Variants in LMNB1 observed in about 807,000 individuals in gnomAD.
The protein encoded by LMNB1 is lamin-B1.
Under a neutral mutation model 67.1 loss-of-function variants are expected in LMNB1, and 23 were observed. That is an observed-to-expected ratio of 0.34 (90% CI 0.25 to 0.49). The LOEUF (loss-of-function observed/expected upper bound fraction) is 0.49, where lower values mean the gene tolerates loss of function less well. Among genes scored for constraint, LMNB1 ranks in the 20% least tolerant of loss-of-function variants. The pLI, the probability that LMNB1 is intolerant of heterozygous loss-of-function variation, is 0.99. For synonymous variants in LMNB1, 281 were observed against 282.9 expected, an observed-to-expected ratio of 0.99 and a Z score of 0.07; for missense variants, 634 against 746.5, an observed-to-expected ratio of 0.85 and a Z score of 1.76.
intron 2 of LMNB1, 101 bp downstream of exon 2, chr5:126,805,033 T>G: frequency 9.3e-7 from 1 of 1,079,066 alleles, no homozygotes; most frequent in African/African-American, 1.6e-5. Context: ...ATGTATTTTA[T>G]TTTTGAAATT....
chr5:126,786,952 A>C (rs1405214696), intron 1 of LMNB1, among the ~76,000 whole-genome samples: 1 of 152,220 alleles, frequency 6.6e-6, no homozygotes. Context: ...ATGCCTTAAT[A>C]ATTTAAAAGA....
intron 1 of LMNB1, among the ~76,000 whole-genome samples, chr5:126,780,551 C>A (rs1750605783): frequency 6.6e-6 from 1 of 152,102 alleles, no homozygotes; most frequent in African/African-American, 2.4e-5. Context: ...GCATGTGATA[C>A]AATTTAGGTA....
At chr5:126,814,141 C>T (rs925849683) in intron 5 of LMNB1, among the ~76,000 whole-genome samples, 15 of 152,164 alleles carry the variant, frequency 9.9e-5, no homozygotes, top group South Asian at 4.1e-4. Context: ...GTGATCCGCC[C>T]GCCTCAGCCT....
chr5:126,824,940 G>A (rs376999506), intron 8 of LMNB1, among the ~76,000 whole-genome samples: 116 of 144,628 alleles, frequency 8.0e-4, no homozygotes, highest in African/African-American at 2.9e-3. Context: ...TGCCCGCCTC[G>A]GCCTCCCAAA....
intron 1 of LMNB1, among the ~76,000 whole-genome samples, chr5:126,784,456 A>AGCGG (rs1750711795): frequency 7.1e-6 from 1 of 141,244 alleles, no homozygotes; most frequent in Non-Finnish European, 1.5e-5. Flanking sequence ...CTCCAGGTTT[A>AGCGG]AGCAATTCTC....
intron 1 of LMNB1, among the ~76,000 whole-genome samples, chr5:126,781,047 G>C (rs1329417537): frequency 2.6e-5 from 4 of 152,166 alleles, no homozygotes; most frequent in African/African-American, 7.2e-5. Context: ...AAAGCACTTT[G>C]AGAGGCCTAG....
chr5:126,820,862 A>T, intron 6 of LMNB1, 48 bp from the exon 7 acceptor site: 1 of 1,363,496 alleles, frequency 7.3e-7, no homozygotes, highest in Non-Finnish European at 1.0e-6. Context: ...TTAAGGCGAG[A>T]AGGGCATATG....
intron 1 of LMNB1, among the ~76,000 whole-genome samples, chr5:126,789,957 G>A (rs1479808626): frequency 1.3e-5 from 2 of 151,964 alleles, no homozygotes; most frequent in Non-Finnish European, 2.9e-5. Flanking sequence ...ACAGGCGTGA[G>A]CCACTGTGCC....
At chr5:126,787,330 A>G (rs1256586459) in intron 1 of LMNB1, among the ~76,000 whole-genome samples, 1 of 151,826 alleles carries the variant, frequency 6.6e-6, no homozygotes, top group East Asian at 1.9e-4. Context: ...GGAGGTAAGT[A>G]GGGATTTGCT....
At chr5:126,810,159 T>C (rs1751547812) in intron 3 of LMNB1, 21 bp from the exon 4 acceptor site, 2 of 1,599,960 alleles carry the variant, frequency 1.3e-6, no homozygotes, top group Non-Finnish European at 1.7e-6. Flanking sequence ...CTTGGCTTTA[T>C]GCTTTTTGTT....
At chr5:126,801,416 AAAT>A (rs1462680300) in intron 1 of LMNB1, among the ~76,000 whole-genome samples, 2 of 152,168 alleles carry the variant, frequency 1.3e-5, no homozygotes, top group Non-Finnish European at 2.9e-5. Context: ...TACCACAAGT[AAAT>A]ACTCTCTTCA....
At chr5:126,828,005 A>G (rs1030172779) in intron 9 of LMNB1, among the ~76,000 whole-genome samples, 1 of 152,234 alleles carries the variant, frequency 6.6e-6, no homozygotes, top group Admixed American at 6.5e-5. Context: ...TGCTTGGCAC[A>G]TAACAGGAAT....
chr5:126,817,332 G>A (rs1191613459), intron 5 of LMNB1, among the ~76,000 whole-genome samples: 2 of 152,102 alleles, frequency 1.3e-5, no homozygotes, highest in Non-Finnish European at 2.9e-5. Context: ...TCTCCAAGGA[G>A]CCCTGGTTCT....
chr5:126,777,979 G>C, intron 1 of LMNB1, 112 bp downstream of exon 1: 1 of 984,320 alleles, frequency 1.0e-6, no homozygotes, highest in Non-Finnish European at 1.4e-6. Context: ...GGATGCACGC[G>C]TCCTTCTGAA....
chr5:126,816,756 G>A (rs573706098), intron 5 of LMNB1, among the ~76,000 whole-genome samples: 90 of 152,234 alleles, frequency 5.9e-4, no homozygotes, highest in African/African-American at 2.1e-3. Context: ...GGATTTGTCC[G>A]GTGCTTTTCA....
intron 5 of LMNB1, chr5:126,815,202 GCTGC>G (rs1203707777): frequency 1.3e-5 from 2 of 152,102 alleles, no homozygotes; most frequent in Non-Finnish European, 2.9e-5. Flanking sequence ...GTTTCATCAT[GCTGC>G]CTATTAGGCC....
Position 126,783,540 on chromosome 5 carries a change from C to T in LMNB1, c.359+5673C>T, listed in dbSNP as rs143920897. Among the ~76,000 whole-genome samples, 551 of 152,198 alleles carry T rather than the reference C, an allele frequency of 3.6e-3. 4 individuals are homozygous for T. The highest frequency in any genetic ancestry group is 0.013 in the African/African-American group (533 of 41,518). ...ATTTAAAAGTCTAGGAAGCAGGTCC[C>T]AAGTAATTAAACTGTCATGACATTT... On this transcript the variant is annotated intron_variant, in intron 1 of 10. Coordinates refer to ENST00000261366, the MANE Select transcript of LMNB1 (RefSeq NM_005573.4).
At chr5:126,805,064 G>A in intron 2 of LMNB1, 132 bp downstream of exon 2, 1 of 818,572 alleles carries the variant, frequency 1.2e-6, no homozygotes, top group Non-Finnish European at 1.8e-6. Flanking sequence ...GTTTTCTGAT[G>A]GTTTACTTGA....
chr5:126,790,581 TTG>T (rs1750928537), intron 1 of LMNB1, among the ~76,000 whole-genome samples: 1 of 152,102 alleles, frequency 6.6e-6, no homozygotes, highest in Admixed American at 6.6e-5. Context: ...ACTTACTTTT[TTG>T]TATAATTATA....
Sources: allele counts gnomAD v4.1 joint callset (sites outside exome capture counted in the v4.1 genomes callset), GRCh38; gene constraint gnomAD v4.1.1; transcripts MANE v1.5; gene names NCBI Gene and HGNC (gene_info 2026-07-23, HGNC 2026-07-21).